The following RMND5A variants were observed in gnomAD, a reference collection of about 807,000 sequenced individuals.
RMND5A encodes the protein E3 ubiquitin-protein transferase RMND5A.
A neutral mutation model predicts 49.7 loss-of-function variants in RMND5A; 17 were observed. That is an observed-to-expected ratio of 0.34 (90% CI 0.23 to 0.51). The LOEUF is 0.51. Among genes scored for constraint, RMND5A ranks in the 20% least tolerant of loss-of-function variants. The pLI, the probability that RMND5A is intolerant of heterozygous loss-of-function variation, is 0.96. For missense variants in RMND5A, 255 were observed against 471.3 expected (o/e 0.54, Z 4.25); for synonymous variants, 156 against 167.7 (o/e 0.93, Z 0.54).
At chr2:86,762,685 AT>A (rs1672520296) in intron 4 of RMND5A, among the ~76,000 whole-genome samples, 1 of 448 alleles carries the variant, frequency 2.2e-3, no homozygotes. Flanking sequence ...TATATCATAT[AT>A]ATATCATATA....
At chr2:86,770,771 C>T (rs1573447536) in intron 7 of RMND5A, among the ~76,000 whole-genome samples, 2 of 152,120 alleles carry the variant, frequency 1.3e-5, no homozygotes, top group Non-Finnish European at 1.5e-5. Context: ...TAGAATAAGA[C>T]GGGATACATG....
intron 6 of RMND5A, among the ~76,000 whole-genome samples, chr2:86,767,651 A>G (rs949403172): frequency 6.6e-6 from 1 of 152,224 alleles, no homozygotes; most frequent in African/African-American, 2.4e-5. Context: ...TTACAAAAGC[A>G]TGCATGAGTA....
At chr2:86,732,322 A>G (rs1157420658) in intron 1 of RMND5A, among the ~76,000 whole-genome samples, 2 of 150,402 alleles carry the variant, frequency 1.3e-5, no homozygotes, top group Non-Finnish European at 2.9e-5. Flanking sequence ...CCCTCCCCCC[A>G]TATCATAAAA....
At chr2:86,747,881 G>C (rs1490732995) in intron 2 of RMND5A, among the ~76,000 whole-genome samples, 1 of 152,070 alleles carries the variant, frequency 6.6e-6, no homozygotes, top group Non-Finnish European at 1.5e-5. Context: ...TTCTGCCTCA[G>C]CTTCTAGATT....
At chr2:86,766,661 CAAAAAAAA>C (rs59511898) in intron 6 of RMND5A, among the ~76,000 whole-genome samples, 147 of 77,010 alleles carry the variant, frequency 1.9e-3, no homozygotes, top group Admixed American at 4.8e-3. Context: ...GAGACTGTCT[CAAAAAAAA>C]AAAAAAAAAA....
rs764336797 is a variant in RMND5A, at chr2:86,753,448, C to G, written c.421-10C>G. On this transcript the variant is annotated splice_polypyrimidine_tract_variant and intron_variant, in intron 3 of 8. Coordinates refer to ENST00000283632, the MANE Select transcript of RMND5A (RefSeq NM_022780.4). ...GCTAACAAAAGTTCTTTCTTTCTTT[C>G]TTTTTCCAGGAATCTGGTCTTTCTG... 2 of 1,551,998 alleles carry G rather than the reference C, an allele frequency of 1.3e-6. No individual in the cohort carries two copies. Among genetic ancestry groups the G allele is most frequent in the Non-Finnish European group, 1.8e-6 (2 of 1,129,110 alleles).
chr2:86,756,235 A>G (rs1187360127), intron 4 of RMND5A, among the ~76,000 whole-genome samples: 1 of 152,008 alleles, frequency 6.6e-6, no homozygotes, highest in Non-Finnish European at 1.5e-5. Context: ...CTACAAAAAA[A>G]TAGAAAAATT....
At chr2:86,742,605 C>G (rs1475912062) in intron 2 of RMND5A, among the ~76,000 whole-genome samples, 1 of 151,480 alleles carries the variant, frequency 6.6e-6, no homozygotes, top group Admixed American at 6.6e-5. Flanking sequence ...TAGAGATGGT[C>G]TTCATTTGTG....
In RMND5A at chr2:86,720,534, C is replaced by T. The variant is rs1681179081; in HGVS notation, c.-134C>T. 2 of 575,242 alleles carry T rather than the reference C, an allele frequency of 3.5e-6. No homozygotes were observed. Among genetic ancestry groups the T allele is most frequent in the Non-Finnish European group, 4.8e-6 (2 of 412,754 alleles). 35.6% of individuals were successfully genotyped at this position (575,242 alleles called of 1,614,324 possible). On this transcript the variant is annotated 5_prime_UTR_variant, in exon 1 of 9. Transcript: ENST00000283632. ...TCCCCCGGCGCCGCGGCTAGTGCGC[C>T]CGCCGCCTCGGCCGCCTCAGCCTCC...
chr2:86,751,104 T>C (rs1415257956), intron 2 of RMND5A, among the ~76,000 whole-genome samples: 6 of 152,212 alleles, frequency 3.9e-5, no homozygotes, highest in Non-Finnish European at 7.3e-5. Flanking sequence ...ATTTTGAATA[T>C]GTATTATAGT....
At chr2:86,765,268 T>A in intron 5 of RMND5A, 75 bp downstream of exon 5, 1 of 1,247,068 alleles carries the variant, frequency 8.0e-7, no homozygotes, top group Non-Finnish European at 1.1e-6. Context: ...AGTTCTTAAC[T>A]AGAGCTAATA....
intron 4 of RMND5A, among the ~76,000 whole-genome samples, chr2:86,755,633 A>G (rs1312451682): frequency 6.6e-6 from 1 of 152,244 alleles, no homozygotes; most frequent in Non-Finnish European, 1.5e-5. Context: ...CTTAGCCTTC[A>G]GAGTACTCCA....
rs866756179 is a variant in RMND5A, at chr2:86,747,358, C to G, written c.286-4538C>G. ...CCATTTTTTCTGTTAAGTTATCTTT[C>G]TTATTGAGAGGTGTGTGTTTGTTTC... On this transcript the variant is annotated intron_variant, in intron 2 of 8. Coordinates refer to ENST00000283632, the MANE Select transcript of RMND5A (RefSeq NM_022780.4). Among the ~76,000 whole-genome samples, 57 of 152,202 alleles carry G rather than the reference C, an allele frequency of 3.7e-4. No homozygotes were observed. The Middle Eastern group carries it at 0.01, about 27-fold the overall frequency.
At chr2:86,723,931 C>T (rs973708332) in intron 1 of RMND5A, among the ~76,000 whole-genome samples, 8 of 151,762 alleles carry the variant, frequency 5.3e-5, no homozygotes, top group Non-Finnish European at 1.2e-4. Flanking sequence ...TAAAATTTCT[C>T]TCGTTAATCT....
rs992373484 is a variant in RMND5A, at chr2:86,777,076, T to C, written c.*3665T>C. ...ATTTTAATAGCAGATGAGGCAGTTT[T>C]AGGATGAATTTTCCACTGTTGATTT... On this transcript the variant is annotated 3_prime_UTR_variant, in exon 9 of 9. Transcript: ENST00000283632. The C allele has an allele frequency of 5.9e-5, 9 of 152,234 alleles. No individual in the cohort carries two copies. The highest frequency in any genetic ancestry group is 2.2e-4 in the African/African-American group (9 of 41,458). The allele number at this position is 152,234 out of a possible 1,614,324, so 9.4% of individuals were successfully genotyped here. A position where few individuals can be genotyped will look rare whatever the true frequency, so the allele number is the denominator to read the frequency against.
intron 5 of RMND5A, 72 bp from the exon 6 acceptor site, chr2:86,765,787 T>G (rs1672579664): frequency 5.3e-6 from 7 of 1,317,420 alleles, no homozygotes; most frequent in Non-Finnish European, 6.4e-6. Context: ...TCAGTATGGG[T>G]GGGGGTATTC....
intron 2 of RMND5A, chr2:86,748,232 A>G (rs1681572040): frequency 6.6e-6 from 1 of 152,246 alleles, no homozygotes; most frequent in Non-Finnish European, 1.5e-5. Context: ...ACCTGCAGTT[A>G]TAACAAAAGG....
Position 86,765,043 on chromosome 2 carries a change from C to T in RMND5A, c.538C>T (p.Arg180Trp), listed in dbSNP as rs970336684. The change falls in exon 5 of 9, where the codon CGG (arginine) becomes TGG (tryptophan). Residue 180 changes from arginine to tryptophan, a missense_variant. Arg to Trp is a moderately radical substitution (Grantham distance 101, BLOSUM62 -3). Around this residue, in one of 3 missense-constraint regions of RMND5A, gnomAD observed 208 missense variants for 339.8 expected, o/e 0.61. Coordinates refer to ENST00000283632, the MANE Select transcript of RMND5A (RefSeq NM_022780.4). ...RPALEWAVSN[R>W]EMLIAQNSSL... ...TTTCTTTAGGTGGGCAGTGTCAAAC[C>T]GGGAAATGCTTATAGCTCAAAACAG... 2 of 1,602,350 alleles carry T rather than the reference C, an allele frequency of 1.2e-6. No homozygotes were observed. The highest frequency in any genetic ancestry group is 1.7e-6 in the Non-Finnish European group (2 of 1,175,582).
At chr2:86,769,122 T>C (rs946924837) in intron 6 of RMND5A, among the ~76,000 whole-genome samples, 1 of 152,100 alleles carries the variant, frequency 6.6e-6, no homozygotes, top group Non-Finnish European at 1.5e-5. Flanking sequence ...TTTTTATATC[T>C]TTTGTAGAGA....
Sources: allele counts gnomAD v4.1 joint callset (sites outside exome capture counted in the v4.1 genomes callset), GRCh38; gene constraint gnomAD v4.1.1; regional missense constraint gnomAD v4.1.1; transcripts MANE v1.5; gene names NCBI Gene and HGNC (gene_info 2026-07-23, HGNC 2026-07-21).